The following SYNJ1 variants were observed in gnomAD, a reference collection of about 807,000 sequenced individuals.
SYNJ1 encodes synaptojanin 1, also known as polyphosphatidylinositol phosphatase SYNJ1.
Under a neutral mutation model 168.2 loss-of-function variants are expected in SYNJ1, and 78 were observed. The observed-to-expected ratio is 0.46, with a 90% CI of 0.39 to 0.56. SYNJ1 has a LOEUF of 0.56. Among genes scored for constraint, SYNJ1 ranks in the 20% least tolerant of loss-of-function variants. The pLI is 0.00. For synonymous variants in SYNJ1, 539 were observed against 548.6 expected (o/e 0.98, Z 0.24); for missense variants, 1,303 against 1,597.6 (o/e 0.82, Z 3.14).
At position 32,630,961 on chromosome 21, in the gene SYNJ1, A is replaced by C. The variant is rs1219567538; in HGVS notation, c.*844T>G. 1 of 1,578,260 alleles carries C rather than the reference A, an allele frequency of 6.3e-7. No homozygotes were observed. Among genetic ancestry groups the C allele is most frequent in the South Asian group, 1.2e-5 (1 of 85,592 alleles). ...CAATTCTCTTAGCTCTATCCTGCCAAAAGCAAGTACCCACTGTTTTCTATT... is the reference window on the plus strand; with the variant it reads ...CAATTCTCTTAGCTCTATCCTGCCACAAGCAAGTACCCACTGTTTTCTATT... On this transcript the variant is annotated 3_prime_UTR_variant, in exon 33 of 33. Coordinates refer to ENST00000674351, the MANE Select transcript of SYNJ1 (RefSeq NM_203446.3).
chr21:32,724,743 A>G (rs2043383166), intron 2 of SYNJ1, among the ~76,000 whole-genome samples: 1 of 129,018 alleles, frequency 7.8e-6, no homozygotes. Flanking sequence ...TTTAAAAGTC[A>G]AATGACTTAA....
At position 32,630,145 on chromosome 21, in the gene SYNJ1, T is replaced by C. The variant is rs1443241905; in HGVS notation, c.*1660A>G. ...CTGCATATAAGGCCATAGTGCTTTT[T>C]TGGGAGCGCTAGAATATCCATCCAC... is the stretch of plus-strand genomic sequence containing the variant. On this transcript the variant is annotated 3_prime_UTR_variant, in exon 33 of 33. Coordinates refer to ENST00000674351, the MANE Select transcript of SYNJ1 (RefSeq NM_203446.3). 1 of 152,234 alleles carries C rather than the reference T, an allele frequency of 6.6e-6. No homozygotes were observed. The allele number at this position is 152,234 out of a possible 1,614,324, so 9.4% of individuals were successfully genotyped here.
At chr21:32,686,802 A>G (rs1193199430) in intron 8 of SYNJ1, among the ~76,000 whole-genome samples, 176 bp downstream of exon 8, 2 of 152,228 alleles carry the variant, frequency 1.3e-5, no homozygotes, top group Middle Eastern at 3.2e-3. Context: ...TTTCAGCAAC[A>G]TTAGCCTAAA....
At chr21:32,728,202 GCA>G, upstream of SYNJ1, 14 of 799,414 alleles carry the variant, frequency 1.8e-5, no homozygotes, top group Non-Finnish European at 2.6e-5. Context: ...CCGCCCCCAG[GCA>G]GAGCTGCGAT....
At chr21:32,661,795 T>C (rs2040714455) in intron 18 of SYNJ1, among the ~76,000 whole-genome samples, 2 of 152,190 alleles carry the variant, frequency 1.3e-5, no homozygotes, top group Non-Finnish European at 1.5e-5. Flanking sequence ...TACTGTATCA[T>C]AGGCCTCCTC....
rs139566415 is a variant in SYNJ1 at position 32,718,033 on chromosome 21, T to G, written c.124+8739A>C. ...TGTTCAAGGTCTGCAAATCATTCCA[T>G]GTATTTTGTTCATTTTGTTGTTGTT... On this transcript the variant is annotated intron_variant, in intron 2 of 32. Coordinates refer to ENST00000674351, the MANE Select transcript of SYNJ1 (RefSeq NM_203446.3). Among the ~76,000 whole-genome samples the G allele has an allele frequency of 1.3e-4, 20 of 152,352 alleles. No individual in the cohort carries two copies. The East Asian group carries it at 3.7e-3, about 28-fold the overall frequency.
chr21:32,639,163 T>C, intron 30 of SYNJ1, 38 bp from the exon 31 acceptor site: 1 of 1,549,622 alleles, frequency 6.5e-7, no homozygotes, highest in Non-Finnish European at 8.8e-7. Flanking sequence ...AGGTATATTC[T>C]AGAAAACCAT....
upstream of SYNJ1, chr21:32,728,128 C>A (rs965729140): frequency 5.7e-6 from 8 of 1,412,434 alleles, no homozygotes; most frequent in Middle Eastern, 2.4e-4. Flanking sequence ...CTGCGCCGAC[C>A]GGCTGGGCCT....
intron 16 of SYNJ1, 108 bp from the exon 17 acceptor site, chr21:32,666,243 T>A: frequency 6.9e-7 from 1 of 1,439,520 alleles, no homozygotes; most frequent in Non-Finnish European, 9.4e-7. Context: ...TATGGTACTT[T>A]GAGGGCAAGC....
At chr21:32,699,178 CAA>C (rs1285168564) in intron 4 of SYNJ1, among the ~76,000 whole-genome samples, 2 of 152,122 alleles carry the variant, frequency 1.3e-5, no homozygotes, top group Non-Finnish European at 2.9e-5. Context: ...GTAAAGCAAG[CAA>C]AAGTTTTATT....
intron 26 of SYNJ1, among the ~76,000 whole-genome samples, chr21:32,644,175 A>G (rs977566017): frequency 1.1e-4 from 17 of 151,722 alleles, no homozygotes; most frequent in Non-Finnish European, 2.2e-4. Flanking sequence ...TAAAAGCAGG[A>G]GCTTGAAAAG....
chr21:32,694,200 C>CA, intron 6 of SYNJ1, 28 bp downstream of exon 6: 1 of 1,490,626 alleles, frequency 6.7e-7, no homozygotes, highest in Non-Finnish European at 8.9e-7. Flanking sequence ...GTTCAAAAAA[C>CA]AAAAATAACT....
intron 23 of SYNJ1, among the ~76,000 whole-genome samples, chr21:32,646,963 C>T (rs1181210159): frequency 6.6e-6 from 1 of 152,206 alleles, no homozygotes; most frequent in African/African-American, 2.4e-5. Context: ...AACTGCCCCA[C>T]TCCCTTGCCT....
chr21:32,664,823 C>T (rs939922190), intron 18 of SYNJ1, 90 bp downstream of exon 18: 5 of 1,197,356 alleles, frequency 4.2e-6, no homozygotes, highest in Admixed American at 2.3e-5. Context: ...ACAAAAAGAC[C>T]CCAAGAAAAT....
chr21:32,685,536 CT>C (rs2041807099), intron 9 of SYNJ1, among the ~76,000 whole-genome samples: 1 of 150,524 alleles, frequency 6.6e-6, no homozygotes. Context: ...AAGGCAGAGG[CT>C]GCAGGGAGCT....
chr21:32,642,348 CT>C (rs2039878199), intron 27 of SYNJ1, among the ~76,000 whole-genome samples: 1 of 152,102 alleles, frequency 6.6e-6, no homozygotes, highest in South Asian at 2.1e-4. Context: ...TTAGATAGAC[CT>C]TTATGGGAGA....
rs1555888329 is a variant in SYNJ1, at chr21:32,638,986, A to T, written c.3837T>A (p.Asn1279Lys). Reference sequence around the variant, plus strand: ...GTGGTGGTTGTGGTGGGGTTTCCAAATTTGGCTGGGGGCCAGACTGAGGCA... The same window carrying T: ...GTGGTGGTTGTGGTGGGGTTTCCAATTTTGGCTGGGGGCCAGACTGAGGCA... ...APMPQSGPQP[N>K]LETPPQPPPR... The change falls in exon 31 of 33, where the codon AAT becomes AAA. Residue 1279 changes from asparagine (N) to lysine (K), a missense_variant. By Grantham distance (94) the Asn-to-Lys change is moderately conservative. This residue lies in a region of SYNJ1 where 383 missense variants were observed against 388.8 expected (regional missense o/e 0.99). Transcript: ENST00000674351. The T allele has an allele frequency of 1.2e-6, 2 of 1,614,028 alleles. No homozygotes were observed. The highest frequency in any genetic ancestry group is 1.7e-5 in the Admixed American group (1 of 60,006).
intron 15 of SYNJ1, among the ~76,000 whole-genome samples, chr21:32,669,014 T>G (rs1016207540): frequency 6.6e-6 from 1 of 152,204 alleles, no homozygotes; most frequent in African/African-American, 2.4e-5. Flanking sequence ...CCACTTCGCC[T>G]AAGAATGTCC....
intron 14 of SYNJ1, among the ~76,000 whole-genome samples, chr21:32,672,848 A>C (rs1858913928): frequency 1.3e-5 from 2 of 152,232 alleles, no homozygotes; most frequent in African/African-American, 4.8e-5. Flanking sequence ...GTAACTAAAT[A>C]GAGGATTAAG....
Sources: allele counts gnomAD v4.1 joint callset (sites outside exome capture counted in the v4.1 genomes callset), GRCh38; gene constraint gnomAD v4.1.1; regional missense constraint gnomAD v4.1.1; transcripts MANE v1.5; gene names NCBI Gene and HGNC (gene_info 2026-07-23, HGNC 2026-07-21).